Variants in PCDHGA9 observed in about 807,000 individuals in gnomAD.
PCDHGA9 encodes protocadherin gamma subfamily A, 9, also known as protocadherin gamma-A9.
In PCDHGA9, 37 loss-of-function variants were observed where a neutral mutation model predicts 62.5. The ratio of observed to expected loss-of-function variants is 0.59; its 90% CI spans 0.46 to 0.78. The LOEUF (loss-of-function observed/expected upper bound fraction) is 0.78. Ranked by LOEUF, PCDHGA9 falls within the 30% of genes least tolerant of loss-of-function variation. PCDHGA9 has a pLI of 0.00. For missense variants in PCDHGA9, 1,138 were observed against 1,166.2 expected (o/e 0.98, Z 0.35); for synonymous variants, 459 against 484.6 (o/e 0.95, Z 0.69).
At chr5:141,441,859 G>T in intron 1 of PCDHGA9, 1 of 348,078 alleles carries the variant, frequency 2.9e-6, no homozygotes. Context: ...GGTGCTGCAC[G>T]CCGCGGAGCC....
At chr5:141,408,819 G>A in intron 1 of PCDHGA9, 1 of 1,613,520 alleles carries the variant, frequency 6.2e-7, no homozygotes, top group Non-Finnish European at 8.5e-7. Context: ...GAAGAACAGA[G>A]ATCTCATAGC....
At chr5:141,419,201 A>C in intron 1 of PCDHGA9, 1 of 1,613,998 alleles carries the variant, frequency 6.2e-7, no homozygotes, top group South Asian at 1.1e-5. Context: ...CGTCAATGAC[A>C]ACGCGCCGGT....
At chr5:141,415,306 T>G (rs2095852502) in intron 1 of PCDHGA9, 2 of 1,614,222 alleles carry the variant, frequency 1.2e-6, no homozygotes, top group Non-Finnish European at 8.5e-7. Context: ...CTTCCTGGCC[T>G]TCGTCATCGT....
At chr5:141,492,461 G>A (rs1218833302) in intron 1 of PCDHGA9, among the ~76,000 whole-genome samples, 1 of 152,212 alleles carries the variant, frequency 6.6e-6, no homozygotes, top group East Asian at 1.9e-4. Flanking sequence ...CGCGCCTGAG[G>A]GTCCCAGATC....
rs2094608531 is a variant in PCDHGA9 at position 141,405,096 on chromosome 5, G to A, written c.2144G>A (p.Arg715Lys). Residue 715 changes from arginine (R) to lysine (K), a missense_variant, in exon 1 of 4, where the codon AGG (arginine) becomes AAG (lysine). Transcript: ENST00000573521. ...TTCGTTATCACGCTGCTGGCCCTCAGGCTGAGGCACTGGCACTCCTCGCAT... is the reference window on the plus strand; with the variant it reads ...TTCGTTATCACGCTGCTGGCCCTCAAGCTGAGGCACTGGCACTCCTCGCAT... ...LTFVITLLAL[R>K]LRHWHSSHLL... The A allele has an allele frequency of 3.7e-6, 6 of 1,613,808 alleles. No individual in the cohort carries two copies. The highest frequency in any genetic ancestry group is 1.7e-5 in the Admixed American group (1 of 60,010).
chr5:141,490,882 A>G lies in PCDHGA9; in HGVS notation c.2425-3925A>G, dbSNP rs758716907. ...CGGCTCTCCCCCATTGCATGCCAAC[A>G]CATCTCTGCATGTGTTTGTCCTAGA... On this transcript the variant is annotated intron_variant, in intron 1 of 3. Coordinates refer to ENST00000573521, the MANE Select transcript of PCDHGA9 (RefSeq NM_018921.3). This position sits in a 1 kb window ranked among gnomAD's most constrained non-coding sequence, Gnocchi z 5.4. 6.2e-7 allele frequency: 1 copy of G among 1,613,848 alleles called. No individual in the cohort carries two copies. Among genetic ancestry groups the G allele is most frequent in the Non-Finnish European group, 8.5e-7 (1 of 1,179,920 alleles).
Position 141,477,304 on chromosome 5 carries a change from T to C in PCDHGA9, c.2425-17503T>C. The C allele has an allele frequency of 6.2e-7, 1 of 1,614,160 alleles. No individual in the cohort carries two copies. Among genetic ancestry groups the C allele is most frequent in the Non-Finnish European group, 8.5e-7 (1 of 1,180,030 alleles). ...CCTGCGAAGTTCCACCGGGTCTCCCTTTCAGCCTTACTTCTTCCCTCAAGA... is the reference window on the plus strand; with the variant it reads ...CCTGCGAAGTTCCACCGGGTCTCCCCTTCAGCCTTACTTCTTCCCTCAAGA... On this transcript the variant is annotated intron_variant, in intron 1 of 3. Transcript: ENST00000573521. This position sits in a 1 kb window ranked among gnomAD's most constrained non-coding sequence, Gnocchi z 4.9.
chr5:141,413,122 G>A, intron 1 of PCDHGA9: 1 of 1,525,890 alleles, frequency 6.6e-7, no homozygotes. Flanking sequence ...GGAACCGGTT[G>A]AAACACACAA....
intron 1 of PCDHGA9, chr5:141,413,929 CGAGTGAGTGTTCCT>C: frequency 6.2e-7 from 1 of 1,613,342 alleles, no homozygotes; most frequent in Non-Finnish European, 8.5e-7. Flanking sequence ...GCCAGAATAC[CGAGTGAGTGTTCCT>C]GAGAATTTGC....
At chr5:141,413,089 C>A in intron 1 of PCDHGA9, 1 of 1,401,120 alleles carries the variant, frequency 7.1e-7, no homozygotes, top group Non-Finnish European at 9.7e-7. Context: ...TACAGAGACA[C>A]CCTGAAGCCA....
chr5:141,415,077 A>C, intron 1 of PCDHGA9: 2 of 1,613,468 alleles, frequency 1.2e-6, no homozygotes, highest in Non-Finnish European at 1.7e-6. Flanking sequence ...GCACGGCGCG[A>C]GCCCTGCTGG....
chr5:141,440,980 C>T (rs972732898), intron 1 of PCDHGA9: 1 of 152,242 alleles, frequency 6.6e-6, no homozygotes. Context: ...GCTTCACAAC[C>T]CAGAGTACCC....
chr5:141,403,965 A>G lies in PCDHGA9; in HGVS notation c.1013A>G (p.Glu338Gly). 1 of 1,613,864 alleles carries G rather than the reference A, an allele frequency of 6.2e-7. No individual in the cohort carries two copies. The highest frequency in any genetic ancestry group is 8.5e-7 in the Non-Finnish European group (1 of 1,179,806). ...TGGACAAAAGTGCTCATTTCGGTGG[A>G]AGATGTAAATGACAATAGACCTGAA... The part of the protein sequence containing the change: ...KGWTKVLISV[E>G]DVNDNRPEVT... Residue 338 changes from glutamate to glycine, a missense_variant, in exon 1 of 4, where the codon GAA (glutamate) becomes GGA (glycine). Coordinates refer to ENST00000573521, the MANE Select transcript of PCDHGA9 (RefSeq NM_018921.3).
chr5:141,432,362 C>T lies in PCDHGA9; in HGVS notation c.2424+26986C>T. On this transcript the variant is annotated intron_variant, in intron 1 of 3. Transcript: ENST00000573521. The surrounding 1 kb of genome is among the most constrained non-coding windows in gnomAD (Gnocchi z 6.0). ...AGACTTGCAAGTGAAAGTGATGGCG[C>T]GGGACAACGGGCACCCGCCCCTCAG... 2 of 1,614,218 alleles carry T rather than the reference C, an allele frequency of 1.2e-6. No homozygotes were observed. Among genetic ancestry groups the T allele is most frequent in the South Asian group, 2.2e-5 (2 of 91,082 alleles).
Position 141,404,752 on chromosome 5 carries a change from G to C in PCDHGA9, c.1800G>C (p.Gln600His). 6.2e-7 allele frequency: 1 copy of C among 1,614,010 alleles called. No homozygotes were observed. The highest frequency in any genetic ancestry group is 8.5e-7 in the Non-Finnish European group (1 of 1,180,038). ...TGGCAGTGGACAGAGACTCAGGCCA[G>C]AATGCTTGGCTCTCCTACCGCCTAT... The part of the protein sequence containing the change: ...KVVAVDRDSG[Q>H]NAWLSYRLFK... The change falls in exon 1 of 4, where the codon CAG becomes CAC. Residue 600 changes from glutamine (Q) to histidine (H), a missense_variant. Coordinates refer to ENST00000573521, the MANE Select transcript of PCDHGA9 (RefSeq NM_018921.3).
At chr5:141,409,832 G>A (rs777679132) in intron 1 of PCDHGA9, 20 of 1,610,814 alleles carry the variant, frequency 1.2e-5, no homozygotes, top group Non-Finnish European at 1.6e-5. Context: ...CACGCTCAGC[G>A]CCAACGTGAG....
At chr5:141,500,452 G>C (rs554196222) in intron 2 of PCDHGA9, among the ~76,000 whole-genome samples, 1 of 151,506 alleles carries the variant, frequency 6.6e-6, no homozygotes, top group South Asian at 2.1e-4. Context: ...CTCGTGATCC[G>C]CCCGCCTCGG....
At position 141,432,587 on chromosome 5, in the gene PCDHGA9, A is replaced by G. The variant is rs1344597432; in HGVS notation, c.2424+27211A>G. 5 of 1,613,132 alleles carry G rather than the reference A, an allele frequency of 3.1e-6. No homozygotes were observed. In the East Asian group the frequency reaches 8.9e-5, roughly 29 times the overall value. ...CGCCTGGCTGTCCTACCGTCTGCTC[A>G]AGGCCAGCGAGCCGGGACTCTTCTC... On this transcript the variant is annotated intron_variant, in intron 1 of 3. Transcript: ENST00000573521. This position sits in a 1 kb window ranked among gnomAD's most constrained non-coding sequence, Gnocchi z 6.0.
intron 1 of PCDHGA9, chr5:141,410,555 C>G: frequency 1.2e-6 from 2 of 1,613,202 alleles, no homozygotes; most frequent in Non-Finnish European, 1.7e-6. Flanking sequence ...CAGTGTTTCT[C>G]CTGGAGCCTT....
Sources: allele counts gnomAD v4.1 joint callset (sites outside exome capture counted in the v4.1 genomes callset), GRCh38; gene constraint gnomAD v4.1.1; non-coding constraint Gnocchi (gnomAD v3.1); transcripts MANE v1.5; gene names NCBI Gene and HGNC (gene_info 2026-07-23, HGNC 2026-07-21).